The following CAMK4 variants were observed in gnomAD, a reference collection of about 807,000 sequenced individuals.
CAMK4 encodes calcium/calmodulin-dependent protein kinase type IV.
CAMK4 carries 22 observed loss-of-function variants against 44.9 expected under a neutral mutation model. That is an observed-to-expected ratio of 0.49 (90% CI 0.35 to 0.70). The LOEUF is 0.70. Ranked by LOEUF, CAMK4 falls within the 30% of genes least tolerant of loss-of-function variation. CAMK4 has a pLI of 0.01. For synonymous variants in CAMK4, 218 were observed against 215.4 expected (o/e 1.01, Z -0.11); for missense variants, 498 against 586.8 (o/e 0.85, Z 1.56).
intron 1 of CAMK4, among the ~76,000 whole-genome samples, chr5:111,274,890 A>T (rs186928626): frequency 0.012 from 1,807 of 151,910 alleles, 16 homozygotes; most frequent in South Asian, 0.023. Flanking sequence ...TCTTTTTTTT[A>T]AAAAAAATTA....
chr5:111,404,962 T>C (rs1752362868), intron 5 of CAMK4, among the ~76,000 whole-genome samples: 1 of 152,224 alleles, frequency 6.6e-6, no homozygotes, highest in African/African-American at 2.4e-5. Context: ...TTCCCTAGTT[T>C]ATTCTAGACT....
chr5:111,250,433 C>T (rs1378828158), intron 1 of CAMK4, among the ~76,000 whole-genome samples: 2 of 152,136 alleles, frequency 1.3e-5, no homozygotes, highest in Non-Finnish European at 2.9e-5. Context: ...TATCAGAGGA[C>T]CCAAATTGGG....
At chr5:111,309,087 A>G (rs1748087261) in intron 1 of CAMK4, among the ~76,000 whole-genome samples, 1 of 152,196 alleles carries the variant, frequency 6.6e-6, no homozygotes, top group African/African-American at 2.4e-5. Context: ...TTTGAGTTCA[A>G]ACAAACAAAG....
chr5:111,441,826 G>A (rs1468553913), intron 5 of CAMK4, among the ~76,000 whole-genome samples: 3 of 152,068 alleles, frequency 2.0e-5, no homozygotes, highest in Non-Finnish European at 4.4e-5. Context: ...GTTTCTCCAT[G>A]ATTAGGTATT....
intron 2 of CAMK4, among the ~76,000 whole-genome samples, chr5:111,372,623 A>G (rs377728): frequency 0.39 from 58,736 of 151,936 alleles, 11,606 homozygotes; most frequent in Non-Finnish European, 0.43. Context: ...TCCCAGTTAC[A>G]TGTGCCAATA....
At chr5:111,338,832 A>C (rs1027978302) in intron 1 of CAMK4, among the ~76,000 whole-genome samples, 2 of 151,168 alleles carry the variant, frequency 1.3e-5, no homozygotes, top group Non-Finnish European at 3.0e-5. Context: ...GTCCATTTTT[A>C]ATACCAGTAC....
At chr5:111,321,784 A>G (rs1455685039) in intron 1 of CAMK4, among the ~76,000 whole-genome samples, 5 of 152,176 alleles carry the variant, frequency 3.3e-5, no homozygotes, top group African/African-American at 9.7e-5. Context: ...ACAATAACAG[A>G]TGCTGTTGAT....
At chr5:111,249,973 G>A (rs1749418934) in intron 1 of CAMK4, among the ~76,000 whole-genome samples, 1 of 151,978 alleles carries the variant, frequency 6.6e-6, no homozygotes, top group Non-Finnish European at 1.5e-5. Flanking sequence ...CTGCTAGATA[G>A]GTATTATTAA....
chr5:111,484,146 G>A lies in CAMK4; in HGVS notation c.1102G>A (p.Asp368Asn), dbSNP rs376502428. ...TTCTCCAATCCAAGATGGCAACGAG[G>A]ACATGAAAGCTATTCCAGAAGGAGA... ...DPSPIQDGNEDMKAIPEGEKI... is the reference protein window; with the variant it reads ...DPSPIQDGNENMKAIPEGEKI... Residue 368 changes from aspartate (D) to asparagine (N), a missense_variant, in exon 11 of 11, where the codon GAC (aspartate) becomes AAC (asparagine). By Grantham distance (23) the Asp-to-Asn change is conservative. Transcript: ENST00000282356. The surrounding 1 kb of genome is among the most constrained non-coding windows in gnomAD (Gnocchi z 5.3). The A allele has an allele frequency of 3.7e-6, 6 of 1,614,070 alleles. No homozygotes were observed. Among genetic ancestry groups the A allele is most frequent in the East Asian group, 2.2e-5 (1 of 44,888 alleles).
chr5:111,228,509 GGTGTGTGTGTGTGTGT>G (rs373248608), intron 1 of CAMK4, among the ~76,000 whole-genome samples: 18 of 145,354 alleles, frequency 1.2e-4, no homozygotes, highest in African/African-American at 4.6e-4. Flanking sequence ...CATAGTAAGG[GGTGTGTGTGTGTGTGT>G]GTGTGTGTGT....
chr5:111,250,204 A>G (rs1749427349), intron 1 of CAMK4, among the ~76,000 whole-genome samples: 1 of 152,222 alleles, frequency 6.6e-6, no homozygotes, highest in Non-Finnish European at 1.5e-5. Flanking sequence ...CATGCACACA[A>G]ATTTGGTGTT....
chr5:111,338,118 AT>A (rs1378351734), intron 1 of CAMK4, among the ~76,000 whole-genome samples: 2 of 151,174 alleles, frequency 1.3e-5, no homozygotes, highest in African/African-American at 4.8e-5. Flanking sequence ...TTCATTGGAA[AT>A]AATTATATAT....
At chr5:111,402,440 A>T (rs1752262097) in intron 5 of CAMK4, among the ~76,000 whole-genome samples, 1 of 152,272 alleles carries the variant, frequency 6.6e-6, no homozygotes, top group Non-Finnish European at 1.5e-5. Flanking sequence ...AAGAGAAGTA[A>T]CACAAAAATA....
intron 5 of CAMK4, among the ~76,000 whole-genome samples, chr5:111,398,451 C>A (rs945478563): frequency 6.6e-6 from 1 of 152,168 alleles, no homozygotes; most frequent in East Asian, 1.9e-4. Context: ...TTTCTACTAT[C>A]TGTTCTGGTG....
At chr5:111,345,809 G>A (rs892752721) in intron 2 of CAMK4, among the ~76,000 whole-genome samples, 1 of 152,060 alleles carries the variant, frequency 6.6e-6, no homozygotes, top group African/African-American at 2.4e-5. Context: ...GGCAAGTGCC[G>A]CTCTGGTTCG....
At chr5:111,424,140 G>A (rs1753129222) in intron 5 of CAMK4, among the ~76,000 whole-genome samples, 1 of 152,196 alleles carries the variant, frequency 6.6e-6, no homozygotes, top group African/African-American at 2.4e-5. Flanking sequence ...ACACAAATGA[G>A]CAGGCAGAGA....
intron 7 of CAMK4, among the ~76,000 whole-genome samples, chr5:111,461,292 A>G (rs1417348967): frequency 1.3e-5 from 2 of 152,212 alleles, no homozygotes; most frequent in Non-Finnish European, 2.9e-5. Context: ...TCACTGTAGT[A>G]AGCTGACAAG....
intron 7 of CAMK4, among the ~76,000 whole-genome samples, chr5:111,469,098 C>T (rs1020780858): frequency 7.7e-6 from 1 of 129,392 alleles, no homozygotes; most frequent in Non-Finnish European, 1.5e-5. Context: ...GAGCAGAGAT[C>T]GTGCCATTGG....
chr5:111,265,923 C>T (rs1441526631), intron 1 of CAMK4: 1 of 152,122 alleles, frequency 6.6e-6, no homozygotes, highest in Non-Finnish European at 1.5e-5. Context: ...GCAGCATCAG[C>T]ATAAAGTTTT....
Sources: allele counts gnomAD v4.1 joint callset (sites outside exome capture counted in the v4.1 genomes callset), GRCh38; gene constraint gnomAD v4.1.1; non-coding constraint Gnocchi (gnomAD v3.1); transcripts MANE v1.5; gene names NCBI Gene and HGNC (gene_info 2026-07-23, HGNC 2026-07-21).